Variants in JAK1 observed in about 807,000 individuals in gnomAD.
JAK1 encodes the protein Janus kinase 1.
JAK1 carries 16 observed loss-of-function variants against 136.6 expected under a neutral mutation model. That is an observed-to-expected ratio of 0.12 (90% CI 0.08 to 0.18). The LOEUF (loss-of-function observed/expected upper bound fraction) is 0.18. Ranked by LOEUF, JAK1 falls within the 10% of genes least tolerant of loss-of-function variation. The pLI is 1.00. For missense variants in JAK1, 859 were observed against 1,450.1 expected (o/e 0.59, Z 6.62); for synonymous variants, 492 against 519.5 (o/e 0.95, Z 0.72).
intron 1 of JAK1, among the ~76,000 whole-genome samples, chr1:64,913,146 A>G (rs1466564126): frequency 6.6e-6 from 1 of 152,162 alleles, no homozygotes; most frequent in Non-Finnish European, 1.5e-5. Flanking sequence ...CTCAACGTCC[A>G]GAATAGCCGA....
chr1:64,919,548 G>A (rs1248183938), intron 1 of JAK1, among the ~76,000 whole-genome samples: 1 of 152,154 alleles, frequency 6.6e-6, no homozygotes, highest in African/African-American at 2.4e-5. Flanking sequence ...GGGATGGCTG[G>A]GTCAAATGAT....
intron 1 of JAK1, among the ~76,000 whole-genome samples, chr1:64,933,721 A>T (rs1645738359): frequency 6.6e-6 from 1 of 152,186 alleles, no homozygotes; most frequent in South Asian, 2.1e-4. Flanking sequence ...CTACATGACA[A>T]AGATGTAGCG....
chr1:64,838,896 A>G (rs1182956427), intron 20 of JAK1, among the ~76,000 whole-genome samples: 3 of 152,120 alleles, frequency 2.0e-5, no homozygotes, highest in African/African-American at 7.2e-5. Context: ...TTGTAATCCC[A>G]GCACTTTGGG....
intron 1 of JAK1, among the ~76,000 whole-genome samples, chr1:64,934,723 G>A (rs1049388368): frequency 2.6e-5 from 4 of 152,182 alleles, no homozygotes; most frequent in African/African-American, 7.2e-5. Context: ...GACTCCAAAC[G>A]TAGTCACTCT....
upstream of JAK1, among the ~76,000 whole-genome samples, chr1:64,967,737 A>C (rs1036961438): frequency 6.6e-6 from 1 of 152,208 alleles, no homozygotes; most frequent in Non-Finnish European, 1.5e-5. Flanking sequence ...GTTGCCCTAA[A>C]CAATTCTTAG....
intron 11 of JAK1, among the ~76,000 whole-genome samples, chr1:64,852,869 G>A (rs1312134087): frequency 6.6e-6 from 1 of 152,158 alleles, no homozygotes; most frequent in East Asian, 1.9e-4. Context: ...CCGTGATTAT[G>A]ACTGGCATTA....
intron 1 of JAK1, among the ~76,000 whole-genome samples, chr1:64,912,759 T>C (rs529168574): frequency 1.7e-4 from 26 of 152,328 alleles, no homozygotes; most frequent in Admixed American, 1.2e-3. Context: ...CCACTTCTTG[T>C]AAAAGTACTT....
intron 2 of JAK1, among the ~76,000 whole-genome samples, chr1:65,038,188 TTTTTCTTTTC>T (rs1395712604): frequency 6.6e-6 from 1 of 150,600 alleles, no homozygotes; most frequent in African/African-American, 2.5e-5. Flanking sequence ...TTCTTTTTCT[TTTTTCTTTTC>T]TTTTTTTTTT....
chr1:64,896,903 T>A (rs998733470), intron 1 of JAK1, among the ~76,000 whole-genome samples: 1 of 152,212 alleles, frequency 6.6e-6, no homozygotes, highest in Admixed American at 6.5e-5. Context: ...GAATAATTTT[T>A]AACTTTCTAT....
At position 64,833,255 on chromosome 1, in the gene JAK1, T is replaced by C. The variant is rs779700902; in HGVS notation, c.*1307A>G. 6.1e-5 allele frequency: 14 copies of C among 228,578 alleles called. No individual in the cohort carries two copies. The highest frequency in any genetic ancestry group is 9.6e-5 in the Non-Finnish European group (11 of 114,868). 14.2% of individuals were successfully genotyped at this position (228,578 alleles called of 1,614,324 possible). A position where few individuals can be genotyped will look rare whatever the true frequency, so the allele number is the denominator to read the frequency against. On this transcript the variant is annotated 3_prime_UTR_variant, in exon 25 of 25. Transcript: ENST00000342505. Reference sequence around the variant, plus strand: ...AAAGTCTTTAGTATATTTATTTGTATAAAGAGTAAACAAAGTGCATATAGA... The same window carrying C: ...AAAGTCTTTAGTATATTTATTTGTACAAAGAGTAAACAAAGTGCATATAGA...
intron 20 of JAK1, among the ~76,000 whole-genome samples, chr1:64,839,124 C>T (rs1285911123): frequency 3.1e-5 from 4 of 128,880 alleles, no homozygotes; most frequent in South Asian, 2.5e-4. Context: ...CCAGCCTGGG[C>T]CACAGAGCGA....
intron 5 of JAK1, among the ~76,000 whole-genome samples, chr1:64,870,276 A>G (rs1656996188): frequency 6.6e-6 from 1 of 152,194 alleles, no homozygotes; most frequent in Non-Finnish European, 1.5e-5. Context: ...TCTAAGGCAC[A>G]AAACAGTAAA....
chr1:64,913,655 A>AGAAGGAAAGAAGGAAGGAAG (rs1645328756), intron 1 of JAK1, among the ~76,000 whole-genome samples: 1 of 34,448 alleles, frequency 2.9e-5, no homozygotes, highest in Non-Finnish European at 4.9e-5. Context: ...AAGGAAGGAA[A>AGAAGGAAAGAAGGAAGGAAG]GAAGGAAGGA....
chr1:64,935,825 C>T (rs1379778907), intron 1 of JAK1, among the ~76,000 whole-genome samples: 4 of 152,164 alleles, frequency 2.6e-5, no homozygotes, highest in Non-Finnish European at 5.9e-5. Context: ...CATATTGAGT[C>T]TTTACAATTT....
At chr1:64,942,949 T>C (rs1260655405) in intron 1 of JAK1, among the ~76,000 whole-genome samples, 1 of 152,202 alleles carries the variant, frequency 6.6e-6, no homozygotes, top group Non-Finnish European at 1.5e-5. Flanking sequence ...ACATTTGCTG[T>C]CTATATTTAA....
chr1:65,053,525 C>A (rs1349519081), intron 1 of JAK1, among the ~76,000 whole-genome samples: 1 of 152,102 alleles, frequency 6.6e-6, no homozygotes, highest in Non-Finnish European at 1.5e-5. Flanking sequence ...TCTCAAAGAG[C>A]AACTGATCTG....
rs1477249730 is a variant in JAK1 at position 64,845,637 on chromosome 1, A to G, written c.1991T>C (p.Ile664Thr). ...YGVCVRDVEN[I>T]MVEEFVEGGP... ...CCCTTCCACAAACTCTTCCACCATGATATCTGTAGGCATAAAAATAGCCAT... is the reference window on the plus strand; with the variant it reads ...CCCTTCCACAAACTCTTCCACCATGGTATCTGTAGGCATAAAAATAGCCAT... Residue 664 changes from isoleucine to threonine, a missense_variant, in exon 15 of 25, where the codon ATC (isoleucine) becomes ACC (threonine). Ile to Thr is a moderately conservative substitution (Grantham distance 89). Coordinates refer to ENST00000342505, the MANE Select transcript of JAK1 (RefSeq NM_002227.4). The G allele has an allele frequency of 5.6e-6, 9 of 1,613,984 alleles. No homozygotes were observed. The highest frequency in any genetic ancestry group is 1.7e-5 in the Admixed American group (1 of 59,988).
At position 64,951,304 on chromosome 1, in the gene JAK1, G is replaced by T. The variant is rs1350821373; in HGVS notation, c.-78+15029C>A. Among the ~76,000 whole-genome samples, 3 of 152,268 alleles carry T rather than the reference G, an allele frequency of 2.0e-5. No homozygotes were observed. The East Asian group carries it at 5.8e-4, about 29-fold the overall frequency. On this transcript the variant is annotated intron_variant, in intron 1 of 24. Transcript: ENST00000342505. ...CAGTATTTTCATCAGATTGGCAACT[G>T]TGTGGCAATATTCCTCTTTCAATGT...
intron 1 of JAK1, among the ~76,000 whole-genome samples, chr1:64,952,332 C>T (rs1018563179): frequency 1.3e-5 from 2 of 152,160 alleles, no homozygotes; most frequent in Non-Finnish European, 2.9e-5. Context: ...TAGGTTCCTC[C>T]ACTTAAAAGC....
Sources: allele counts gnomAD v4.1 joint callset (sites outside exome capture counted in the v4.1 genomes callset), GRCh38; gene constraint gnomAD v4.1.1; transcripts MANE v1.5; gene names NCBI Gene and HGNC (gene_info 2026-07-23, HGNC 2026-07-21).